EFCAB11: variants seen among roughly 807,000 people sequenced by gnomAD.
The protein encoded by EFCAB11 is EF-hand calcium binding domain 11.
Under a neutral mutation model 23.0 loss-of-function variants are expected in EFCAB11, and 14 were observed. The observed-to-expected ratio is 0.61, with a 90% CI of 0.40 to 0.95. The LOEUF (loss-of-function observed/expected upper bound fraction) is 0.95. Among genes scored for constraint, EFCAB11 ranks in the 40% least tolerant of loss-of-function variants. The pLI is 0.00. For missense variants in EFCAB11, 198 were observed against 195.8 expected (o/e 1.01, Z -0.07); for synonymous variants, 65 against 66.6 (o/e 0.98, Z 0.11).
chr14:89,828,480 AC>A (rs1886776358), intron 5 of EFCAB11, among the ~76,000 whole-genome samples: 1 of 152,174 alleles, frequency 6.6e-6, no homozygotes, highest in Admixed American at 6.5e-5. Flanking sequence ...TTCTGAAGAA[AC>A]CAAGACCCAA....
chr14:89,894,692 A>G (rs1889105333), intron 5 of EFCAB11, among the ~76,000 whole-genome samples: 1 of 152,194 alleles, frequency 6.6e-6, no homozygotes, highest in African/African-American at 2.4e-5. Flanking sequence ...AAATGATATA[A>G]GGATTGGAAC....
chr14:89,865,836 G>A (rs1469050157), intron 5 of EFCAB11, among the ~76,000 whole-genome samples: 3 of 139,326 alleles, frequency 2.2e-5, no homozygotes, highest in African/African-American at 8.0e-5. Flanking sequence ...GGCTAATTTT[G>A]TATTTTTTTA....
At chr14:89,865,983 C>T (rs1888079098) in intron 5 of EFCAB11, among the ~76,000 whole-genome samples, 1 of 151,602 alleles carries the variant, frequency 6.6e-6, no homozygotes, top group Non-Finnish European at 1.5e-5. Context: ...TAGGGTTTTG[C>T]CATGTTGCCC....
chr14:89,926,712 T>C (rs75022512), intron 5 of EFCAB11, among the ~76,000 whole-genome samples: 9,464 of 152,286 alleles, frequency 0.062, 982 homozygotes, highest in African/African-American at 0.21. Flanking sequence ...AAAAAGAATG[T>C]GACTCAAAAA....
chr14:89,908,177 C>T (rs1889556147), intron 5 of EFCAB11, among the ~76,000 whole-genome samples: 1 of 152,184 alleles, frequency 6.6e-6, no homozygotes, highest in Admixed American at 6.5e-5. Context: ...CTTTTATGTT[C>T]TCCCACTTTC....
intron 5 of EFCAB11, among the ~76,000 whole-genome samples, chr14:89,861,387 A>G (rs1358803523): frequency 2.0e-5 from 3 of 152,056 alleles, no homozygotes; most frequent in East Asian, 3.9e-4. Flanking sequence ...TCACATGTCT[A>G]CCTCCTTTAC....
intron 5 of EFCAB11, among the ~76,000 whole-genome samples, chr14:89,876,669 A>C (rs1048250080): frequency 6.6e-6 from 1 of 152,062 alleles, no homozygotes; most frequent in African/African-American, 2.4e-5. Flanking sequence ...TTGAAGAGAA[A>C]CTTTACCTCT....
At chr14:89,906,170 C>T (rs1889490195) in intron 5 of EFCAB11, among the ~76,000 whole-genome samples, 2 of 133,044 alleles carry the variant, frequency 1.5e-5, no homozygotes, top group Admixed American at 1.5e-4. Flanking sequence ...CATTAGAGCA[C>T]TAAAATAAAT....
chr14:89,930,183 C>T (rs991064168), intron 5 of EFCAB11, among the ~76,000 whole-genome samples: 2 of 152,240 alleles, frequency 1.3e-5, no homozygotes, highest in Non-Finnish European at 2.9e-5. Context: ...CAATAGCTTG[C>T]TCAGTAGCTT....
intron 5 of EFCAB11, among the ~76,000 whole-genome samples, chr14:89,890,587 TG>T (rs1256541298): frequency 4.6e-5 from 7 of 152,226 alleles, no homozygotes; most frequent in African/African-American, 1.4e-4. Flanking sequence ...TTTCTGTTTT[TG>T]GATACTCAGA....
At chr14:89,914,382 C>G (rs1418439501) in intron 5 of EFCAB11, among the ~76,000 whole-genome samples, 1 of 152,168 alleles carries the variant, frequency 6.6e-6, no homozygotes, top group Non-Finnish European at 1.5e-5. Flanking sequence ...ATCAGCACAT[C>G]CGTTATCTCA....
chr14:89,869,057 G>C (rs1888187105), intron 5 of EFCAB11, among the ~76,000 whole-genome samples: 1 of 151,920 alleles, frequency 6.6e-6, no homozygotes, highest in African/African-American at 2.4e-5. Flanking sequence ...AATTAAATTA[G>C]CCAGATGTGT....
At chr14:89,921,877 AT>A (rs1181655244) in intron 5 of EFCAB11, among the ~76,000 whole-genome samples, 4 of 152,220 alleles carry the variant, frequency 2.6e-5, no homozygotes, top group African/African-American at 9.6e-5. Context: ...ATTTTATTAA[AT>A]ACAGATTTCT....
At chr14:89,835,208 AG>A (rs1298047624) in intron 5 of EFCAB11, among the ~76,000 whole-genome samples, 5 of 152,236 alleles carry the variant, frequency 3.3e-5, no homozygotes, top group African/African-American at 4.8e-5. Context: ...AGAACACAGC[AG>A]GATGCCCGGA....
chr14:89,908,373 C>T (rs1464776801), intron 5 of EFCAB11, among the ~76,000 whole-genome samples: 2 of 152,096 alleles, frequency 1.3e-5, no homozygotes, highest in Non-Finnish European at 2.9e-5. Context: ...AGTAACTTGC[C>T]CTGGAAATCC....
At chr14:89,930,052 T>G (rs561030789) in intron 5 of EFCAB11, among the ~76,000 whole-genome samples, 3 of 152,360 alleles carry the variant, frequency 2.0e-5, no homozygotes, top group African/African-American at 7.2e-5. Context: ...ATTCACTACC[T>G]ATCTCATCAC....
At chr14:89,892,000 C>T in intron 5 of EFCAB11, 1 of 1,507,920 alleles carries the variant, frequency 6.6e-7, no homozygotes, top group South Asian at 1.3e-5. Flanking sequence ...TCTGGGACAC[C>T]GCGGGCCACG....
At chr14:89,831,932 G>T (rs1310958617) in intron 5 of EFCAB11, among the ~76,000 whole-genome samples, 1 of 152,254 alleles carries the variant, frequency 6.6e-6, no homozygotes, top group Admixed American at 6.5e-5. Flanking sequence ...GATATGGAGC[G>T]GGTGGTGGTG....
intron 5 of EFCAB11, among the ~76,000 whole-genome samples, chr14:89,930,440 T>C (rs1890350043): frequency 6.6e-6 from 1 of 152,210 alleles, no homozygotes; most frequent in African/African-American, 2.4e-5. Flanking sequence ...GAGCAAAGAC[T>C]ACATTTTCCA....
Sources: allele counts gnomAD v4.1 joint callset (sites outside exome capture counted in the v4.1 genomes callset), GRCh38; gene constraint gnomAD v4.1.1; transcripts MANE v1.5; gene names NCBI Gene and HGNC (gene_info 2026-07-23, HGNC 2026-07-21).